The following DGKI variants were observed in gnomAD, a reference collection of about 807,000 sequenced individuals.
DGKI encodes DAG kinase iota.
In DGKI, 55 loss-of-function variants were observed where a neutral mutation model predicts 147.5. That is an observed-to-expected ratio of 0.37 (90% CI 0.30 to 0.47). DGKI has a LOEUF of 0.47. Ranked by LOEUF, DGKI falls within the 20% of genes least tolerant of loss-of-function variation. DGKI has a pLI of 1.00. For synonymous variants in DGKI, 469 were observed against 477.1 expected (o/e 0.98, Z 0.22); for missense variants, 1,007 against 1,323.8 (o/e 0.76, Z 3.71).
chr7:137,803,867 C>G (rs1030106086), intron 1 of DGKI, among the ~76,000 whole-genome samples: 1 of 152,198 alleles, frequency 6.6e-6, no homozygotes, highest in African/African-American at 2.4e-5. Flanking sequence ...TGGCCCAGGT[C>G]CCATCCCTAA....
At chr7:137,456,521 G>A (rs1228558943) in intron 27 of DGKI, among the ~76,000 whole-genome samples, 3 of 152,044 alleles carry the variant, frequency 2.0e-5, no homozygotes, top group Non-Finnish European at 4.4e-5. Flanking sequence ...AAAGTGCTAT[G>A]GAGACAGAGG....
chr7:137,602,076 A>C (rs1034794620), intron 10 of DGKI, among the ~76,000 whole-genome samples: 3 of 152,154 alleles, frequency 2.0e-5, no homozygotes, highest in African/African-American at 7.2e-5. Flanking sequence ...ATCTCGAATA[A>C]TCTTTTATGT....
At chr7:137,452,682 C>T (rs566872024) in intron 27 of DGKI, 1 of 152,326 alleles carries the variant, frequency 6.6e-6, no homozygotes, top group East Asian at 1.9e-4. Context: ...ATCCATCCTA[C>T]TTAGGAAGGG....
chr7:137,490,222 C>A (rs546897423), intron 21 of DGKI, among the ~76,000 whole-genome samples: 1 of 152,326 alleles, frequency 6.6e-6, no homozygotes. Flanking sequence ...CAGTCATCCA[C>A]TGCTGGGTTT....
chr7:137,508,322 G>C lies in DGKI; in HGVS notation c.2248+13544C>G, dbSNP rs116895050. ...GGCTCACTGCAAGCTCTGCCTTCCC[G>C]GTTACTCCTTTCTCCTGCCTCAGCC... On this transcript the variant is annotated intron_variant, in intron 21 of 32. Coordinates refer to ENST00000614521, the MANE Select transcript of DGKI (RefSeq NM_001321708.2). Among the ~76,000 whole-genome samples, 4 of 143,252 alleles carry C rather than the reference G, an allele frequency of 2.8e-5. No individual in the cohort carries two copies. In the South Asian group the frequency reaches 9.3e-4, roughly 33 times the overall value. 94.0% of individuals were successfully genotyped at this position (143,252 alleles called of 152,430 possible).
At chr7:137,433,351 T>C (rs1429562157) in intron 28 of DGKI, among the ~76,000 whole-genome samples, 2 of 152,244 alleles carry the variant, frequency 1.3e-5, no homozygotes, top group African/African-American at 4.8e-5. Flanking sequence ...TGATAAGATA[T>C]GTTTAGGGTA....
chr7:137,536,003 A>C (rs1014873462), intron 20 of DGKI, among the ~76,000 whole-genome samples: 2 of 152,166 alleles, frequency 1.3e-5, no homozygotes, highest in Non-Finnish European at 2.9e-5. Context: ...TTGAACTATA[A>C]ACCTATGACA....
At chr7:137,638,627 TATGTGTGTATATATGTGTATGTATATAC>T (rs1821492839) in intron 6 of DGKI, among the ~76,000 whole-genome samples, 2 of 8,042 alleles carry the variant, frequency 2.5e-4, no homozygotes, top group Non-Finnish European at 3.8e-4. Flanking sequence ...CACACATATA[TATGTGTGTATATATGTGTATGTATATAC>T]ACACATATGT....
chr7:137,415,567 T>C (rs1025756033), intron 28 of DGKI, among the ~76,000 whole-genome samples: 17 of 152,182 alleles, frequency 1.1e-4, no homozygotes, highest in African/African-American at 4.1e-4. Flanking sequence ...ACTTTAATAC[T>C]ATAGGATGTT....
chr7:137,483,615 G>C (rs1321302930), intron 23 of DGKI, among the ~76,000 whole-genome samples: 2 of 151,960 alleles, frequency 1.3e-5, no homozygotes, highest in Non-Finnish European at 2.9e-5. Context: ...CCTTACAACA[G>C]GCCCTAGTGT....
intron 24 of DGKI, 94 bp from the exon 25 acceptor site, chr7:137,467,036 T>C: frequency 8.3e-7 from 1 of 1,203,960 alleles, no homozygotes; most frequent in Non-Finnish European, 1.2e-6. Context: ...TCAAAACCCC[T>C]ACATGGCAGT....
chr7:137,436,173 G>A (rs990880753), intron 28 of DGKI, among the ~76,000 whole-genome samples: 2 of 152,084 alleles, frequency 1.3e-5, no homozygotes, highest in African/African-American at 4.8e-5. Flanking sequence ...GCTACCTTTT[G>A]AGAACTCTAC....
At chr7:137,800,993 T>A (rs1235958500) in intron 1 of DGKI, among the ~76,000 whole-genome samples, 1 of 152,220 alleles carries the variant, frequency 6.6e-6, no homozygotes, top group Non-Finnish European at 1.5e-5. Flanking sequence ...ACAATATTCA[T>A]CCCAAAATGA....
chr7:137,580,108 A>G lies in DGKI; in HGVS notation c.1642+1742T>C, dbSNP rs911302560. On this transcript the variant is annotated intron_variant, in intron 15 of 32. Coordinates refer to ENST00000614521, the MANE Select transcript of DGKI (RefSeq NM_001321708.2). ...TCACTTGAGCTCATTGAGCTCATTG[A>G]ATGAGCTCATTGTTGGCCACTTATT... Among the ~76,000 whole-genome samples, 5 of 152,094 alleles carry G rather than the reference A, an allele frequency of 3.3e-5. No homozygotes were observed. In the South Asian group the frequency reaches 8.3e-4, roughly 25 times the overall value.
At chr7:137,697,365 C>T (rs976233777) in intron 1 of DGKI, among the ~76,000 whole-genome samples, 9 of 152,160 alleles carry the variant, frequency 5.9e-5, no homozygotes, top group African/African-American at 2.2e-4. Flanking sequence ...ACATCATTCT[C>T]TTATACATAG....
chr7:137,840,644 C>T (rs1039046099), intron 1 of DGKI, among the ~76,000 whole-genome samples: 3 of 152,282 alleles, frequency 2.0e-5, no homozygotes, highest in African/African-American at 4.8e-5. Context: ...GATGCAGGTA[C>T]GCAAACAGGA....
intron 1 of DGKI, among the ~76,000 whole-genome samples, chr7:137,760,019 G>A (rs1460006685): frequency 6.6e-6 from 1 of 152,122 alleles, no homozygotes; most frequent in Non-Finnish European, 1.5e-5. Flanking sequence ...TGTACCCTGA[G>A]ACACACAGAT....
chr7:137,732,050 A>G (rs1794900647), intron 1 of DGKI, among the ~76,000 whole-genome samples: 1 of 152,030 alleles, frequency 6.6e-6, no homozygotes, highest in Non-Finnish European at 1.5e-5. Flanking sequence ...TCTTGAGAAA[A>G]CCTGCAATTC....
intron 27 of DGKI, among the ~76,000 whole-genome samples, chr7:137,447,880 T>C (rs921957389): frequency 6.6e-6 from 1 of 152,192 alleles, no homozygotes; most frequent in African/African-American, 2.4e-5. Flanking sequence ...AAAACTTCCA[T>C]GTTAGTAACA....
Sources: gnomAD v4.1 joint callset for allele counts (sites outside exome capture counted in the v4.1 genomes callset) on GRCh38, gnomAD v4.1.1 for gene constraint, MANE v1.5 for transcripts, NCBI Gene and HGNC (gene_info 2026-07-23, HGNC 2026-07-21) for gene names.